The following ZNF571 variants were observed in gnomAD, a reference collection of about 807,000 sequenced individuals.
ZNF571 encodes the protein zinc finger protein 571.
ZNF571 carries 4 observed loss-of-function variants against 7.7 expected under a neutral mutation model. The ratio of observed to expected loss-of-function variants is 0.52; its 90% CI spans 0.25 to 1.18. The LOEUF is 1.18. ZNF571 is among the 50% of genes most tolerant of loss of function. The pLI, the probability that ZNF571 is intolerant of heterozygous loss-of-function variation, is 0.14. For missense variants in ZNF571, 704 were observed against 726.9 expected (o/e 0.97, Z 0.36); for synonymous variants, 251 against 232.4 (o/e 1.08, Z -0.73).
At position 37,567,931 on chromosome 19, in the gene ZNF571, TAATA is replaced by T. The variant is rs2042918655; in HGVS notation, c.137-1644_137-1641del. Reference sequence around the variant, plus strand: ...GTATACATATAATGTTTTATTCCTTTAATATAGTTTTTCATGTCTTACTTTCCAA... The same window carrying T: ...GTATACATATAATGTTTTATTCCTTTTAGTTTTTCATGTCTTACTTTCCAA... On this transcript the variant is annotated intron_variant, in intron 3 of 3. Transcript: ENST00000451802. Among the ~76,000 whole-genome samples the T allele has an allele frequency of 2.6e-5, 4 of 152,232 alleles. No individual in the cohort carries two copies. In the South Asian group the frequency reaches 8.3e-4, roughly 32 times the overall value.
Position 37,584,064 on chromosome 19 carries a change from A to G in ZNF571, c.43T>C (p.Phe15Leu). Residue 15 changes from phenylalanine to leucine, a missense_variant, in exon 3 of 4, where the codon TTC (phenylalanine) becomes CTC (leucine). Physicochemically the swap from Phe to Leu is conservative, Grantham distance 22. Transcript: ENST00000451802. ...LVTFRDVAID[F>L]SQEEWECLDP... is the part of the protein sequence containing the mutation. The stretch of plus-strand genomic sequence containing the variant: ...AGGCATTCCCATTCCTCCTGAGAGA[A>G]GTCAATGGCCACATCCCTGAAAGTC... 6.2e-7 allele frequency: 1 copy of G among 1,614,168 alleles called. No individual in the cohort carries two copies. Among genetic ancestry groups the G allele is most frequent in the Non-Finnish European group, 8.5e-7 (1 of 1,180,014 alleles).
Position 37,593,564 on chromosome 19 carries a change from A to C in ZNF571, c.-70+1177T>G, listed in dbSNP as rs559008692. On this transcript the variant is annotated intron_variant, in intron 1 of 3. Coordinates refer to ENST00000451802, the MANE Select transcript of ZNF571 (RefSeq NM_016536.5). The stretch of plus-strand genomic sequence containing the variant: ...TAAAAACACAAAAAATTAGCCGGGC[A>C]TGGTGGCGGGCGCCTGTAGTCCCAG... Among the ~76,000 whole-genome samples, 98 of 152,230 alleles carry C rather than the reference A, an allele frequency of 6.4e-4. 1 individual carries two copies. Among genetic ancestry groups the C allele is most frequent in the African/African-American group, 2.2e-3 (92 of 41,568 alleles).
chr19:37,578,367 A>T (rs1360220749), intron 3 of ZNF571, among the ~76,000 whole-genome samples: 1 of 152,140 alleles, frequency 6.6e-6, no homozygotes, highest in Non-Finnish European at 1.5e-5. Context: ...TGAGAGAGTG[A>T]GAGTCCCTGG....
At chr19:37,578,532 C>A (rs2043326142) in intron 3 of ZNF571, among the ~76,000 whole-genome samples, 1 of 152,206 alleles carries the variant, frequency 6.6e-6, no homozygotes, top group African/African-American at 2.4e-5. Context: ...GCCCCGGATC[C>A]CTGAGCAGCT....
intron 3 of ZNF571, chr19:37,567,587 C>T (rs2042904817): frequency 6.6e-6 from 1 of 152,140 alleles, no homozygotes; most frequent in South Asian, 2.1e-4. Context: ...ATTTAAGTTC[C>T]AAGAACATGT....
In ZNF571 at chr19:37,594,779, C is replaced by T. The variant is rs2043970200; in HGVS notation, c.-108G>A. 1 of 152,224 alleles carries T rather than the reference C, an allele frequency of 6.6e-6. No homozygotes were observed. 9.4% of individuals were successfully genotyped at this position (152,224 alleles called of 1,614,324 possible). A position where few individuals can be genotyped will look rare whatever the true frequency, so the allele number is the denominator to read the frequency against. On this transcript the variant is annotated 5_prime_UTR_variant, in exon 1 of 4. Coordinates refer to ENST00000451802, the MANE Select transcript of ZNF571 (RefSeq NM_016536.5). ...ACAAGCTCCGTGCGTCAAGACATAA[C>T]AGCGTAAGTGTACGACGTTGCGCAG... is the stretch of plus-strand genomic sequence containing the variant.
chr19:37,578,322 T>C (rs1228420180), intron 3 of ZNF571, among the ~76,000 whole-genome samples: 2 of 152,024 alleles, frequency 1.3e-5, no homozygotes, highest in African/African-American at 2.4e-5. Flanking sequence ...GGGACTGGCA[T>C]GGAGTGGGAG....
chr19:37,594,689 G>A (rs2043966071), intron 1 of ZNF571, 52 bp downstream of exon 1: 1 of 152,208 alleles, frequency 6.6e-6, no homozygotes, highest in Non-Finnish European at 1.5e-5. Context: ...CTACTTTTTC[G>A]ATGAAGCAAC....
At chr19:37,574,619 A>G (rs2043181403) in intron 3 of ZNF571, among the ~76,000 whole-genome samples, 1 of 152,144 alleles carries the variant, frequency 6.6e-6, no homozygotes, top group Non-Finnish European at 1.5e-5. Context: ...TTTCTTCCCA[A>G]CAGTTGTTCA....
chr19:37,565,750 G>GTTACACTGATAAGGTTTTTCA lies in ZNF571; in HGVS notation c.657_677dup (p.Glu220_Asn226dup), dbSNP rs2042833440. On this transcript the variant is annotated inframe_insertion, in exon 4 of 4. Transcript: ENST00000451802. Reference sequence around the variant, plus strand: ...CACGAATAAAAGCTTTCCCACATGCGTTACACTGATAAGGTTTTTCATTAG... The same window carrying GTTACACTGATAAGGTTTTTCA: ...CACGAATAAAAGCTTTCCCACATGCGTTACACTGATAAGGTTTTTCATTACACTGATAAGGTTTTTCATTAG... 6.2e-7 allele frequency: 1 copy of GTTACACTGATAAGGTTTTTCA among 1,613,226 alleles called. No individual in the cohort carries two copies. Among genetic ancestry groups the GTTACACTGATAAGGTTTTTCA allele is most frequent in the African/African-American group, 1.3e-5 (1 of 74,656 alleles).
At chr19:37,568,069 A>G (rs184598855) in intron 3 of ZNF571, among the ~76,000 whole-genome samples, 241 of 152,318 alleles carry the variant, frequency 1.6e-3, no homozygotes, top group Non-Finnish European at 2.7e-3. Flanking sequence ...TATTCCGAAG[A>G]AAGAAGTTGA....
At chr19:37,584,230 A>G in intron 2 of ZNF571, 133 bp from the exon 3 acceptor site, 1 of 1,159,232 alleles carries the variant, frequency 8.6e-7, no homozygotes, top group South Asian at 1.5e-5. Flanking sequence ...AAACAGTAGT[A>G]TTAACCTGAT....
chr19:37,567,163 C>A (rs1473674657), intron 3 of ZNF571, among the ~76,000 whole-genome samples: 2 of 152,194 alleles, frequency 1.3e-5, no homozygotes, highest in African/African-American at 4.8e-5. Context: ...ACCTATATTG[C>A]ATTTTTCACT....
chr19:37,594,583 G>A (rs1312980788), intron 1 of ZNF571, 158 bp downstream of exon 1: 2 of 152,372 alleles, frequency 1.3e-5, no homozygotes, highest in African/African-American at 4.8e-5. Context: ...GCAAGCGCAA[G>A]GCCGACTTCC....
At chr19:37,578,127 C>T (rs1260378348) in intron 3 of ZNF571, among the ~76,000 whole-genome samples, 1 of 152,128 alleles carries the variant, frequency 6.6e-6, no homozygotes, top group African/African-American at 2.4e-5. Flanking sequence ...AGTTTCATCC[C>T]CAAACCAGTC....
intron 3 of ZNF571, among the ~76,000 whole-genome samples, chr19:37,582,519 C>T (rs761749847): frequency 3.3e-5 from 5 of 152,154 alleles, no homozygotes; most frequent in Non-Finnish European, 7.3e-5. Context: ...TAAACCAATT[C>T]GCTCCATAAT....
chr19:37,590,034 TAA>T (rs1013135033), intron 1 of ZNF571, among the ~76,000 whole-genome samples: 2 of 151,800 alleles, frequency 1.3e-5, no homozygotes, highest in Non-Finnish European at 2.9e-5. Flanking sequence ...TAAAAGAGAC[TAA>T]AGAGATGATT....
intron 1 of ZNF571, among the ~76,000 whole-genome samples, chr19:37,590,395 G>C (rs934836047): frequency 8.6e-5 from 13 of 151,912 alleles, no homozygotes; most frequent in African/African-American, 3.1e-4. Flanking sequence ...CCAGCCTGGG[G>C]GACAGAGTGA....
intron 3 of ZNF571, among the ~76,000 whole-genome samples, chr19:37,579,351 C>G (rs969490340): frequency 6.6e-6 from 1 of 152,192 alleles, no homozygotes; most frequent in African/African-American, 2.4e-5. Context: ...GACCATTTCC[C>G]CCAGGGCCTG....
Sources: allele counts gnomAD v4.1 joint callset (sites outside exome capture counted in the v4.1 genomes callset), GRCh38; gene constraint gnomAD v4.1.1; transcripts MANE v1.5; gene names NCBI Gene and HGNC (gene_info 2026-07-23, HGNC 2026-07-21).